CDKL5: variants seen among roughly 807,000 people sequenced by gnomAD.
The protein encoded by CDKL5 is cyclin-dependent kinase-like 5.
Under a neutral mutation model 61.7 loss-of-function variants are expected in CDKL5, and 8 were observed. That is an observed-to-expected ratio of 0.13 (90% CI 0.08 to 0.23). The LOEUF is 0.23. Among genes scored for constraint, CDKL5 ranks in the 10% least tolerant of loss-of-function variants. CDKL5 has a pLI of 1.00. For missense variants in CDKL5, 440 were observed against 734.5 expected, an observed-to-expected ratio of 0.60 and a Z score of 4.63; for synonymous variants, 275 against 272.3, an observed-to-expected ratio of 1.01 and a Z score of -0.10.
At chrX:18,594,917 T>C (rs1033933214) in intron 9 of CDKL5, among the ~76,000 whole-genome samples, 3 of 112,316 alleles carry the variant, frequency 2.7e-5, no homozygotes, top group Non-Finnish European at 5.6e-5. Context: ...GTGTGGTGGC[T>C]CACGCCTGTA....
chrX:18,446,703 G>C (rs994059933), intron 1 of CDKL5, among the ~76,000 whole-genome samples: 2 of 111,664 alleles, frequency 1.8e-5, no homozygotes, highest in African/African-American at 6.5e-5. Flanking sequence ...GGTATTCCCT[G>C]GTGTGACCTG....
At chrX:18,553,534 G>T (rs1023911689) in intron 3 of CDKL5, among the ~76,000 whole-genome samples, 1 of 108,123 alleles carries the variant, frequency 9.2e-6, no homozygotes, top group Admixed American at 9.9e-5. Flanking sequence ...CTGTCTGCCC[G>T]GTGGCTGGAG....
At chrX:18,595,665 T>G (rs1176044470) in intron 10 of CDKL5, among the ~76,000 whole-genome samples, 1 of 112,077 alleles carries the variant, frequency 8.9e-6, no homozygotes, top group East Asian at 2.8e-4. Context: ...ATTCTTAAAA[T>G]GGACAGAATA....
rs774594152 is a variant in CDKL5 at position 18,603,990 on chromosome X, G to C, written c.1066G>C (p.Ala356Pro). 2 of 1,210,892 alleles carry C rather than the reference G, an allele frequency of 1.7e-6. No individual in the cohort carries two copies. Among genetic ancestry groups the C allele is most frequent in the Admixed American group, 4.4e-5 (2 of 45,963 alleles). Residue 356 changes from alanine to proline, a missense_variant, in exon 12 of 18, where the codon GCT becomes CCT. Physicochemically the swap from Ala to Pro is conservative, Grantham distance 27 (BLOSUM62 -1). Around this residue, in one of 2 missense-constraint regions of CDKL5, gnomAD observed 363 missense variants for 516.3 expected, o/e 0.70. Coordinates refer to ENST00000623535, the MANE Select transcript of CDKL5 (RefSeq NM_001323289.2). ...GAACCTGAGTGTAGGCCTGCCCCGG[G>C]CTGACGAAGGTCTCCCTGCCAATGA... Reference protein sequence around the residue: ...IQNLSVGLPRADEGLPANESF... With the variant: ...IQNLSVGLPRPDEGLPANESF...
intron 20 of CDKL5, chrX:18,647,162 A>C (rs201158157): frequency 8.3e-7 from 1 of 1,205,821 alleles, no homozygotes; most frequent in East Asian, 3.0e-5. Context: ...TTAAAAGCAC[A>C]TGAAAAAAAA....
chrX:18,607,325 G>A (rs1926398732), intron 12 of CDKL5, among the ~76,000 whole-genome samples: 1 of 111,970 alleles, frequency 8.9e-6, no homozygotes, highest in Non-Finnish European at 1.9e-5. Flanking sequence ...AGATGCTGTC[G>A]GGAGAAAGAA....
chrX:18,568,648 CTCT>C (rs745575668), intron 4 of CDKL5, among the ~76,000 whole-genome samples: 44 of 110,936 alleles, frequency 4.0e-4, no homozygotes, highest in South Asian at 2.7e-3. Context: ...TGTCAGTTTT[CTCT>C]TCTTCTTCTT....
At chrX:18,520,212 C>G (rs1704251540) in intron 3 of CDKL5, among the ~76,000 whole-genome samples, 1 of 112,172 alleles carries the variant, frequency 8.9e-6, no homozygotes, top group African/African-American at 3.2e-5. Context: ...TTTTCATCAC[C>G]TCAAAAGAAA....
rs181982352 is a variant in CDKL5 at position 18,602,402 on chromosome X, A to T, written c.978-1500A>T. On this transcript the variant is annotated intron_variant, in intron 11 of 17. Coordinates refer to ENST00000623535, the MANE Select transcript of CDKL5 (RefSeq NM_001323289.2). ...CCTTTAGGATATAGGGACTTTATTGATCTGGGGATAGACTCTGTTAATATA... is the reference window on the plus strand; with the variant it reads ...CCTTTAGGATATAGGGACTTTATTGTTCTGGGGATAGACTCTGTTAATATA... Among the ~76,000 whole-genome samples, 4 of 112,185 alleles carry T rather than the reference A, an allele frequency of 3.6e-5. No homozygotes were observed. In the Admixed American group the frequency reaches 3.8e-4, roughly 11 times the overall value.
At chrX:18,461,805 T>A (rs1051154783) in intron 1 of CDKL5, among the ~76,000 whole-genome samples, 1 of 112,259 alleles carries the variant, frequency 8.9e-6, no homozygotes, top group Non-Finnish European at 1.9e-5. Flanking sequence ...TGAGAATGAA[T>A]CTCCTAACCT....
In CDKL5 at chrX:18,628,319, C is replaced by G. The variant is rs1927130881; in HGVS notation, c.2497-52C>G. 11 of 1,170,878 alleles carry G rather than the reference C, an allele frequency of 9.4e-6. No homozygotes were observed. The Admixed American group carries it at 2.4e-4, about 26-fold the overall frequency. ...CTCTAAGCCCCCTTCCCTCCCCAGC[C>G]TTATGGTCGCTCTAACTTGAATCCT... On this transcript the variant is annotated intron_variant, in intron 17 of 17. Transcript: ENST00000623535.
At chrX:18,489,940 C>A (rs994322969) in intron 1 of CDKL5, among the ~76,000 whole-genome samples, 1 of 111,130 alleles carries the variant, frequency 9.0e-6, no homozygotes, top group Admixed American at 9.6e-5. Flanking sequence ...AGCCTGACCA[C>A]CTTGGGCACA....
chrX:18,443,452 A>T (rs907189396), intron 1 of CDKL5, among the ~76,000 whole-genome samples: 4 of 111,335 alleles, frequency 3.6e-5, no homozygotes, highest in African/African-American at 1.3e-4. Context: ...CATCCAGGTA[A>T]TAAGCCCAGT....
intron 7 of CDKL5, among the ~76,000 whole-genome samples, chrX:18,583,622 A>G (rs1300539033): frequency 9.0e-6 from 1 of 111,669 alleles, no homozygotes; most frequent in Non-Finnish European, 1.9e-5. Context: ...TGGGTGATTA[A>G]CTTATCCTCC....
intron 1 of CDKL5, among the ~76,000 whole-genome samples, chrX:18,456,827 C>T (rs1360770655): frequency 9.0e-6 from 1 of 111,549 alleles, no homozygotes; most frequent in East Asian, 2.8e-4. Flanking sequence ...TTTTCCTTAA[C>T]AATCTATTGC....
rs192373564 is a variant in CDKL5 at position 18,468,255 on chromosome X, C to T, written c.-162-38680C>T. Among the ~76,000 whole-genome samples the T allele has an allele frequency of 2.7e-5, 3 of 112,385 alleles. No individual in the cohort carries two copies. In the East Asian group the frequency reaches 8.3e-4, roughly 31 times the overall value. On this transcript the variant is annotated intron_variant, in intron 1 of 17. Coordinates refer to ENST00000623535, the MANE Select transcript of CDKL5 (RefSeq NM_001323289.2). The stretch of plus-strand genomic sequence containing the variant: ...TTGTGACCTTAAAGGAATTGATTCA[C>T]AGTGTTCTGGATTCTTTTCAGAATG...
At chrX:18,568,841 C>T (rs750272498) in intron 4 of CDKL5, among the ~76,000 whole-genome samples, 14 of 109,608 alleles carry the variant, frequency 1.3e-4, no homozygotes, top group East Asian at 2.9e-4. Flanking sequence ...ACTACAGGTG[C>T]GCACCACCAC....
intron 2 of CDKL5, among the ~76,000 whole-genome samples, chrX:18,509,246 C>CACACACACACACACA (rs1555940191): frequency 8.2e-5 from 8 of 97,233 alleles, no homozygotes; most frequent in African/African-American, 1.1e-4. Context: ...CACACACACA[C>CACACACACACACACA]CCCTGTCAAG....
intron 1 of CDKL5, among the ~76,000 whole-genome samples, chrX:18,482,073 A>T (rs1479364474): frequency 9.0e-6 from 1 of 110,854 alleles, no homozygotes; most frequent in Non-Finnish European, 1.9e-5. Flanking sequence ...GATTCAGTAG[A>T]TTTTCTTGAC....
Sources: allele counts gnomAD v4.1 joint callset (sites outside exome capture counted in the v4.1 genomes callset), GRCh38; gene constraint gnomAD v4.1.1; regional missense constraint gnomAD v4.1.1; transcripts MANE v1.5; gene names NCBI Gene and HGNC (gene_info 2026-07-23, HGNC 2026-07-21).